Variants in MYO16 observed in about 807,000 individuals in gnomAD.
MYO16 encodes the protein unconventional myosin-XVI.
Under a neutral mutation model 205.3 loss-of-function variants are expected in MYO16, and 94 were observed. That is an observed-to-expected ratio of 0.46 (90% CI 0.39 to 0.54). The LOEUF (loss-of-function observed/expected upper bound fraction) is 0.54. Among genes scored for constraint, MYO16 ranks in the 20% least tolerant of loss-of-function variants. MYO16 has a pLI of 0.00. For missense variants in MYO16, 2,315 were observed against 2,387.5 expected, an observed-to-expected ratio of 0.97 and a Z score of 0.63; for synonymous variants, 988 against 954.0, an observed-to-expected ratio of 1.04 and a Z score of -0.66.
chr13:108,989,680 A>T (rs1159496360), intron 20 of MYO16, among the ~76,000 whole-genome samples: 1 of 152,164 alleles, frequency 6.6e-6, no homozygotes, highest in South Asian at 2.1e-4. Flanking sequence ...GTTCCTATAT[A>T]TGGAAGTACT....
chr13:108,805,227 C>T (rs2138978089), intron 6 of MYO16, among the ~76,000 whole-genome samples: 2 of 152,086 alleles, frequency 1.3e-5, no homozygotes, highest in Middle Eastern at 6.9e-3. Context: ...GGACTGTTTC[C>T]TAGAATATTA....
In MYO16 at chr13:109,033,368, G is replaced by A. The variant is rs144800944; in HGVS notation, c.2796+13457G>A. 3.4e-3 allele frequency among the ~76,000 whole-genome samples: 513 copies of A among 152,184 alleles called. 2 individuals are homozygous for A. Among genetic ancestry groups the A allele is most frequent in the African/African-American group, 0.011 (470 of 41,524 alleles). Reference sequence around the variant, plus strand: ...TGGACGATTCTCATCCCTTTGCCTCGATCTGTCAGACTTCGTCGTCCCACA... The same window carrying A: ...TGGACGATTCTCATCCCTTTGCCTCAATCTGTCAGACTTCGTCGTCCCACA... On this transcript the variant is annotated intron_variant, in intron 23 of 34. Transcript: ENST00000457511.
chr13:108,950,297 T>A (rs2139337628), intron 16 of MYO16, among the ~76,000 whole-genome samples: 1 of 152,296 alleles, frequency 6.6e-6, no homozygotes, highest in African/African-American at 2.4e-5. Context: ...AACAAAGGAC[T>A]AATATTTAGA....
intron 15 of MYO16, among the ~76,000 whole-genome samples, chr13:108,907,241 A>G (rs1881029685): frequency 6.6e-6 from 1 of 152,164 alleles, no homozygotes; most frequent in Non-Finnish European, 1.5e-5. Flanking sequence ...CCTATGAAAT[A>G]CTTTATTGCA....
At chr13:109,071,477 A>G (rs962404175) in intron 27 of MYO16, among the ~76,000 whole-genome samples, 2 of 152,200 alleles carry the variant, frequency 1.3e-5, no homozygotes, top group African/African-American at 2.4e-5. Flanking sequence ...GATGAGAGAC[A>G]GGGGCAATGT....
At chr13:108,889,726 G>A (rs1184074008) in intron 14 of MYO16, among the ~76,000 whole-genome samples, 1 of 152,050 alleles carries the variant, frequency 6.6e-6, no homozygotes, top group Non-Finnish European at 1.5e-5. Context: ...TTATTTTAGA[G>A]GATACTCCAC....
chr13:108,991,093 C>T (rs1385244001), intron 20 of MYO16, among the ~76,000 whole-genome samples: 2 of 152,186 alleles, frequency 1.3e-5, no homozygotes, highest in African/African-American at 4.8e-5. Flanking sequence ...TCATACTATA[C>T]GTCAATGATG....
rs71125327 is a variant in MYO16 at position 108,636,369 on chromosome 13, T to TTGTGTGTGTG, written c.28+6527_28+6536dup. 2.1e-3 allele frequency among the ~76,000 whole-genome samples: 107 copies of TTGTGTGTGTG among 51,188 alleles called. 1 individual carries two copies. The highest frequency in any genetic ancestry group is 0.01 in the Middle Eastern group (1 of 98). The allele number at this position is 51,188 out of a possible 152,430, so 33.6% of individuals were successfully genotyped here. A position where few individuals can be genotyped will look rare whatever the true frequency, so the allele number is the denominator to read the frequency against. The stretch of plus-strand genomic sequence containing the variant: ...CCCTTTTTTTTTTTTTTTTTTTTTT[T>TTGTGTGTGTG]TGTGTGTGTGTGTGTGTGTGTGTGT... On this transcript the variant is annotated intron_variant, in intron 1 of 34. Coordinates refer to ENST00000457511, the MANE Select transcript of MYO16 (RefSeq NM_001198950.3).
intron 2 of MYO16, among the ~76,000 whole-genome samples, chr13:108,689,558 A>C (rs1024984749): frequency 6.6e-6 from 1 of 152,202 alleles, no homozygotes; most frequent in African/African-American, 2.4e-5. Context: ...CTTTGCAATT[A>C]TCATATTTAG....
chr13:108,696,441 G>A (rs925238602), intron 2 of MYO16, among the ~76,000 whole-genome samples: 8 of 152,276 alleles, frequency 5.3e-5, no homozygotes, highest in Non-Finnish European at 1.2e-4. Context: ...GAACAATATG[G>A]ATAGATTTCA....
chr13:108,833,936 C>G (rs1876759435), intron 9 of MYO16, among the ~76,000 whole-genome samples: 1 of 152,056 alleles, frequency 6.6e-6, no homozygotes, highest in African/African-American at 2.4e-5. Flanking sequence ...AATATACTCT[C>G]TCATTTCCAT....
chr13:108,971,627 A>G (rs779193807), intron 20 of MYO16, among the ~76,000 whole-genome samples: 6 of 151,754 alleles, frequency 4.0e-5, no homozygotes, highest in Non-Finnish European at 8.8e-5. Context: ...TCTAACATAT[A>G]TATGGAGATC....
chr13:108,634,780 T>C (rs535945424), intron 1 of MYO16, among the ~76,000 whole-genome samples: 1 of 152,322 alleles, frequency 6.6e-6, no homozygotes, highest in Admixed American at 6.5e-5. Flanking sequence ...CAGCTTTTCC[T>C]CCACCCCAGT....
At chr13:108,911,956 G>A (rs1179062719) in intron 16 of MYO16, among the ~76,000 whole-genome samples, 2 of 152,200 alleles carry the variant, frequency 1.3e-5, no homozygotes, top group Admixed American at 6.5e-5. Context: ...CATTTACCTC[G>A]TGACAAGGCT....
chr13:108,730,666 A>T (rs1884491391), intron 4 of MYO16, among the ~76,000 whole-genome samples: 1 of 152,202 alleles, frequency 6.6e-6, no homozygotes, highest in African/African-American at 2.4e-5. Flanking sequence ...CTTCATGTTG[A>T]GGCTAAGCAG....
intron 5 of MYO16, among the ~76,000 whole-genome samples, chr13:108,790,762 T>C (rs1431604328): frequency 6.6e-6 from 1 of 152,168 alleles, no homozygotes; most frequent in Non-Finnish European, 1.5e-5. Context: ...TTTCAAATAT[T>C]AGGATACAAT....
intron 24 of MYO16, among the ~76,000 whole-genome samples, chr13:109,049,617 G>GT (rs1887170915): frequency 2.0e-5 from 3 of 151,686 alleles, no homozygotes; most frequent in African/African-American, 7.3e-5. Flanking sequence ...TCTCAGTAAT[G>GT]TTTTCAGTTT....
At chr13:108,875,883 A>C (rs1879299955) in intron 12 of MYO16, among the ~76,000 whole-genome samples, 1 of 152,152 alleles carries the variant, frequency 6.6e-6, no homozygotes, top group Admixed American at 6.6e-5. Context: ...CAAAAAAATG[A>C]AAACGAAAAA....
At chr13:109,181,050 G>C (rs182129296) in intron 34 of MYO16, among the ~76,000 whole-genome samples, 4 of 152,354 alleles carry the variant, frequency 2.6e-5, no homozygotes, top group Admixed American at 2.6e-4. Context: ...GTGGTTCTTA[G>C]ACAAAGGGAG....
Sources: gnomAD v4.1 joint callset for allele counts (sites outside exome capture counted in the v4.1 genomes callset) on GRCh38, gnomAD v4.1.1 for gene constraint, MANE v1.5 for transcripts, NCBI Gene and HGNC (gene_info 2026-07-23, HGNC 2026-07-21) for gene names.